SPATA45: variants seen among roughly 807,000 people sequenced by gnomAD.
SPATA45 encodes the protein spermatogenesis-associated protein 45.
Under a neutral mutation model 7.0 loss-of-function variants are expected in SPATA45, and 5 were observed. The observed-to-expected ratio is 0.71, with a 90% CI of 0.37 to 1.50. The LOEUF (loss-of-function observed/expected upper bound fraction) is 1.50. SPATA45 is among the 40% of genes most tolerant of loss of function. The pLI is 0.03. For missense variants in SPATA45, 111 were observed against 114.9 expected (o/e 0.97, Z 0.16); for synonymous variants, 40 against 38.7 (o/e 1.03, Z -0.13).
chr1:212,832,358 G>GATTTTTTTTTTTT (rs1558095590), intron 2 of SPATA45, among the ~76,000 whole-genome samples: 1 of 97,228 alleles, frequency 1.0e-5, no homozygotes, highest in Non-Finnish European at 2.1e-5. Context: ...TGAAATCTAA[G>GATTTTTTTTTTTT]CTTTTTTTTT....
chr1:212,847,109 T>C (rs994826680), intron 1 of SPATA45, among the ~76,000 whole-genome samples: 1 of 152,182 alleles, frequency 6.6e-6, no homozygotes, highest in East Asian at 1.9e-4. Context: ...CAGGCTGGTC[T>C]TGAACTCCTG....
intron 2 of SPATA45, among the ~76,000 whole-genome samples, chr1:212,835,167 A>G (rs1240824887): frequency 6.6e-6 from 1 of 151,748 alleles, no homozygotes; most frequent in Admixed American, 6.6e-5. Flanking sequence ...GACCTCTTTC[A>G]ATCCCAGAAA....
chr1:212,844,962 G>T (rs544814434), intron 1 of SPATA45, among the ~76,000 whole-genome samples: 20 of 152,222 alleles, frequency 1.3e-4, no homozygotes, highest in African/African-American at 4.6e-4. Context: ...TCCAACTTCT[G>T]TCCCTCATGG....
intron 1 of SPATA45, among the ~76,000 whole-genome samples, chr1:212,844,381 A>G (rs1005778245): frequency 6.6e-6 from 1 of 152,010 alleles, no homozygotes; most frequent in Non-Finnish European, 1.5e-5. Context: ...CACAGTTACC[A>G]TTGTTCCTGG....
At chr1:212,830,796 C>T (rs962927304) in intron 2 of SPATA45, among the ~76,000 whole-genome samples, 8 of 150,746 alleles carry the variant, frequency 5.3e-5, no homozygotes, top group East Asian at 2.0e-4. Context: ...TCCTGGCCAA[C>T]ATGTTGAAAC....
chr1:212,843,986 C>T (rs560311871), intron 1 of SPATA45, among the ~76,000 whole-genome samples: 9 of 152,036 alleles, frequency 5.9e-5, no homozygotes, highest in African/African-American at 1.9e-4. Context: ...AAATCCTTTC[C>T]CCACTCTCCT....
chr1:212,846,339 C>CTGTTT (rs1052622290), intron 1 of SPATA45, among the ~76,000 whole-genome samples: 53 of 152,282 alleles, frequency 3.5e-4, no homozygotes, highest in African/African-American at 1.1e-3. Flanking sequence ...CACTTCACCA[C>CTGTTT]TGTTTTGTTT....
At chr1:212,842,105 C>T (rs529758756) in intron 1 of SPATA45, among the ~76,000 whole-genome samples, 5 of 150,512 alleles carry the variant, frequency 3.3e-5, no homozygotes, top group South Asian at 4.4e-4. Context: ...AGGCTGGGTG[C>T]GGTGGCTCAT....
In SPATA45 at chr1:212,836,157, A is replaced by G. The variant is rs751826151; in HGVS notation, c.-8T>C. The G allele has an allele frequency of 6.3e-7, 1 of 1,592,304 alleles. No homozygotes were observed. Among genetic ancestry groups the G allele is most frequent in the Non-Finnish European group, 8.6e-7 (1 of 1,163,208 alleles). On this transcript the variant is annotated 5_prime_UTR_variant, in exon 2 of 3. An upstream open reading frame in the 5' UTR loses its in-frame stop. Coordinates refer to ENST00000332912, the MANE Select transcript of SPATA45 (RefSeq NM_001024601.3). ...TCTGTTTATAGATGCCATTATGGTCACAAACCAATTGTCAAGTGATTCTTG... is the reference window on the plus strand; with the variant it reads ...TCTGTTTATAGATGCCATTATGGTCGCAAACCAATTGTCAAGTGATTCTTG...
chr1:212,844,206 T>A (rs1218042087), intron 1 of SPATA45, among the ~76,000 whole-genome samples: 7 of 152,262 alleles, frequency 4.6e-5, no homozygotes, highest in African/African-American at 7.2e-5. Context: ...CAGCGGCTGC[T>A]GCTGCTGCTT....
At chr1:212,846,110 T>C (rs1485351304) in intron 1 of SPATA45, among the ~76,000 whole-genome samples, 1 of 152,122 alleles carries the variant, frequency 6.6e-6, no homozygotes, top group Non-Finnish European at 1.5e-5. Flanking sequence ...ATTTAGTTTC[T>C]CAATTCATAC....
chr1:212,840,913 C>T (rs899302913), intron 1 of SPATA45, among the ~76,000 whole-genome samples: 4 of 152,154 alleles, frequency 2.6e-5, no homozygotes, highest in African/African-American at 9.6e-5. Context: ...CCACCGCACC[C>T]GGCTCCGCGC....
intron 1 of SPATA45, among the ~76,000 whole-genome samples, chr1:212,840,030 CTT>C (rs1212759814): frequency 2.0e-5 from 3 of 151,816 alleles, no homozygotes; most frequent in East Asian, 1.9e-4. Context: ...TTTTTCATGT[CTT>C]TACATATGTC....
chr1:212,838,470 G>T (rs7524203), intron 1 of SPATA45, among the ~76,000 whole-genome samples: 1 of 151,162 alleles, frequency 6.6e-6, no homozygotes, highest in South Asian at 2.1e-4. Flanking sequence ...TATGCTGCTA[G>T]TGAGAATGTA....
chr1:212,845,434 C>T (rs1048052275), intron 1 of SPATA45, among the ~76,000 whole-genome samples: 4 of 152,164 alleles, frequency 2.6e-5, no homozygotes, highest in Admixed American at 1.3e-4. Context: ...AGAAGGCCAC[C>T]GCAGTCATTT....
intron 1 of SPATA45, among the ~76,000 whole-genome samples, chr1:212,843,139 ACT>A (rs1558098532): frequency 6.9e-6 from 1 of 144,278 alleles, no homozygotes; most frequent in Non-Finnish European, 1.5e-5. Flanking sequence ...ACACACACAC[ACT>A]TAGCTGGGCG....
chr1:212,840,069 C>G (rs1037708763), intron 1 of SPATA45, among the ~76,000 whole-genome samples: 1 of 151,570 alleles, frequency 6.6e-6, no homozygotes, highest in Admixed American at 6.6e-5. Context: ...TAAGATTTGA[C>G]AATGTAATAG....
intron 2 of SPATA45, among the ~76,000 whole-genome samples, chr1:212,833,223 C>T (rs1663521264): frequency 6.6e-6 from 1 of 151,500 alleles, no homozygotes; most frequent in Non-Finnish European, 1.5e-5. Context: ...ATTCCTTGCC[C>T]CTCTTTTACC....
chr1:212,840,969 T>A (rs1410553498), intron 1 of SPATA45, among the ~76,000 whole-genome samples: 1 of 151,514 alleles, frequency 6.6e-6, no homozygotes, highest in Non-Finnish European at 1.5e-5. Flanking sequence ...TGAGGCGGAG[T>A]CTCTCTCTGT....
Sources: allele counts gnomAD v4.1 joint callset (sites outside exome capture counted in the v4.1 genomes callset), GRCh38; gene constraint gnomAD v4.1.1; transcripts MANE v1.5; gene names NCBI Gene and HGNC (gene_info 2026-07-23, HGNC 2026-07-21).